The following SPEF2 variants were observed in gnomAD, a reference collection of about 807,000 sequenced individuals.
SPEF2 encodes the protein sperm flagellar and cilia associated 2, also known as sperm flagella and cilia-associated protein 2.
SPEF2 carries 187 observed loss-of-function variants against 224.6 expected under a neutral mutation model. That is an observed-to-expected ratio of 0.83 (90% confidence interval 0.74 to 0.94). The LOEUF (loss-of-function observed/expected upper bound fraction) is 0.94, where lower values mean the gene tolerates loss of function less well. Ranked by LOEUF, SPEF2 falls within the 40% of genes least tolerant of loss-of-function variation. The probability of loss-of-function intolerance (pLI) is 0.00; values close to 1 mark genes in which losing one functional copy is unlikely to be tolerated. For synonymous variants in SPEF2, 715 were observed against 707.3 expected (o/e 1.01, Z -0.17); for missense variants, 2,170 against 2,135.6 (o/e 1.02, Z -0.32).
rs575112874 is a variant in SPEF2, at chr5:35,657,520, G to T, written c.979-1499G>T. On this transcript the variant is annotated intron_variant, in intron 7 of 36. Coordinates refer to ENST00000356031, the MANE Select transcript of SPEF2 (RefSeq NM_024867.4). ...GGTGGTTTAAAAACATACCTAGGAG[G>T]TTTACTAGACTACTTCTTGAACAAT... Among the ~76,000 whole-genome samples the T allele has an allele frequency of 5.9e-5, 9 of 152,130 alleles. No homozygotes were observed. The South Asian group carries it at 1.9e-3, about 32-fold the overall frequency.
rs1418794404 is a variant in SPEF2 at position 35,785,040 on chromosome 5, T to C, written c.4447+5694T>C. Among the ~76,000 whole-genome samples the C allele has an allele frequency of 2.0e-5, 3 of 152,212 alleles. No homozygotes were observed. The East Asian group carries it at 5.8e-4, about 29-fold the overall frequency. On this transcript the variant is annotated intron_variant, in intron 30 of 36. Coordinates refer to ENST00000356031, the MANE Select transcript of SPEF2 (RefSeq NM_024867.4). ...ACAATATTATGTATTTGCAGGTAAG[T>C]ATTTTGATCTGAAAATTGTCTAAGT...
At position 35,807,247 on chromosome 5, in the gene SPEF2, G is replaced by A; in HGVS notation, c.5373G>A (p.Lys1791=). The A allele has an allele frequency of 1.2e-6, 2 of 1,611,760 alleles. No individual in the cohort carries two copies. Among genetic ancestry groups the A allele is most frequent in the Non-Finnish European group, 1.7e-6 (2 of 1,179,502 alleles). The change falls in exon 36 of 37, where the codon AAG becomes AAA. Residue 1791 remains lysine (K), a synonymous_variant. Coordinates refer to ENST00000356031, the MANE Select transcript of SPEF2 (RefSeq NM_024867.4). ...TGATTTCAAATTATTCAGACTATAA[G>A]TTTCCTGTGAGTATTACCCCAAAGT... ...QDLISNYSDY[K]FPDIKIILQR... is the part of the protein sequence containing the mutation.
intron 16 of SPEF2, 136 bp from the exon 17 acceptor site, chr5:35,704,417 TC>T (rs1402877134): frequency 1.8e-6 from 1 of 553,884 alleles, no homozygotes; most frequent in Non-Finnish European, 3.2e-6. Flanking sequence ...TCTTTCAACA[TC>T]TTTTAAAATA....
At chr5:35,805,081 A>G (rs953176704) in intron 34 of SPEF2, among the ~76,000 whole-genome samples, 1 of 152,236 alleles carries the variant, frequency 6.6e-6, no homozygotes, top group Admixed American at 6.5e-5. Flanking sequence ...AGCTCATTTT[A>G]CATTTCTGCC....
At chr5:35,681,979 A>T (rs1227394730) in intron 10 of SPEF2, among the ~76,000 whole-genome samples, 1 of 152,192 alleles carries the variant, frequency 6.6e-6, no homozygotes, top group Non-Finnish European at 1.5e-5. Context: ...ATAAATTCAA[A>T]TTTCCCTGAA....
chr5:35,742,064 A>C (rs1210233057), intron 23 of SPEF2, among the ~76,000 whole-genome samples: 2 of 152,254 alleles, frequency 1.3e-5, no homozygotes, highest in Non-Finnish European at 2.9e-5. Flanking sequence ...TTTTACAAAA[A>C]TTTGATAGCA....
intron 14 of SPEF2, 130 bp downstream of exon 14, chr5:35,695,926 T>C: frequency 3.4e-6 from 2 of 593,162 alleles, no homozygotes; most frequent in Non-Finnish European, 5.7e-6. Flanking sequence ...AATTTGATGG[T>C]ATAATATTAG....
At chr5:35,739,608 T>C (rs766155963) in intron 21 of SPEF2, among the ~76,000 whole-genome samples, 1 of 152,180 alleles carries the variant, frequency 6.6e-6, no homozygotes, top group Non-Finnish European at 1.5e-5. Context: ...CTAGAACTCC[T>C]GACCTTAGGT....
intron 28 of SPEF2, among the ~76,000 whole-genome samples, chr5:35,774,800 C>T (rs1753377705): frequency 6.6e-6 from 1 of 152,258 alleles, no homozygotes; most frequent in Non-Finnish European, 1.5e-5. Context: ...CATTTTCTCT[C>T]CCCTGTCCTT....
intron 30 of SPEF2, among the ~76,000 whole-genome samples, chr5:35,779,631 T>C (rs183357012): frequency 6.6e-6 from 1 of 152,284 alleles, no homozygotes; most frequent in Non-Finnish European, 1.5e-5. Flanking sequence ...TATATTTGAG[T>C]ATTACTCCAC....
intron 5 of SPEF2, 83 bp downstream of exon 5, chr5:35,646,890 C>A: frequency 6.9e-7 from 1 of 1,441,442 alleles, no homozygotes; most frequent in Non-Finnish European, 9.4e-7. Flanking sequence ...AGAGACTTTC[C>A]AAAACTTCAC....
chr5:35,660,788 A>G (rs1195874616), intron 8 of SPEF2, among the ~76,000 whole-genome samples: 2 of 152,174 alleles, frequency 1.3e-5, no homozygotes, highest in Non-Finnish European at 2.9e-5. Flanking sequence ...ATAGCAAAGT[A>G]TGTTTAGCTG....
intron 36 of SPEF2, chr5:35,807,979 G>A: frequency 7.4e-7 from 1 of 1,346,444 alleles, no homozygotes; most frequent in Admixed American, 3.2e-5. Flanking sequence ...ACTCCTGTGA[G>A]TTGTGTATTG....
chr5:35,621,442 A>G (rs1278789941), intron 1 of SPEF2, among the ~76,000 whole-genome samples: 1 of 152,220 alleles, frequency 6.6e-6, no homozygotes, highest in East Asian at 1.9e-4. Context: ...TCGTAGAGCT[A>G]GAATTTGAAC....
intron 8 of SPEF2, among the ~76,000 whole-genome samples, chr5:35,662,954 T>C (rs1198076666): frequency 6.6e-6 from 1 of 152,226 alleles, no homozygotes; most frequent in Non-Finnish European, 1.5e-5. Context: ...CTTTTAAATC[T>C]ATTAAGGTCT....
chr5:35,656,480 A>G (rs1748968732), intron 7 of SPEF2, among the ~76,000 whole-genome samples: 1 of 152,182 alleles, frequency 6.6e-6, no homozygotes. Context: ...AAGAATTTCA[A>G]ATTATGAAAA....
At chr5:35,787,723 C>T in intron 30 of SPEF2, 1 of 508,780 alleles carries the variant, frequency 2.0e-6, no homozygotes, top group South Asian at 4.1e-5. Context: ...CTAGTTAAAG[C>T]ACTTAACAGA....
intron 32 of SPEF2, among the ~76,000 whole-genome samples, chr5:35,794,369 C>T (rs1398162695): frequency 6.6e-6 from 1 of 152,168 alleles, no homozygotes; most frequent in Non-Finnish European, 1.5e-5. Context: ...TTCCTGTTTC[C>T]CTTTTCTTCC....
At chr5:35,734,709 C>CTTTTTTTTTTTT (rs869188623) in intron 21 of SPEF2, among the ~76,000 whole-genome samples, 2 of 31,196 alleles carry the variant, frequency 6.4e-5, no homozygotes, top group Non-Finnish European at 1.4e-4. Flanking sequence ...TCTTTTTTTT[C>CTTTTTTTTTTTT]TTTTTTTTTT....
Sources: gnomAD v4.1 joint callset for allele counts (sites outside exome capture counted in the v4.1 genomes callset) on GRCh38, gnomAD v4.1.1 for gene constraint, MANE v1.5 for transcripts, NCBI Gene and HGNC (gene_info 2026-07-23, HGNC 2026-07-21) for gene names.